VAV2: variants seen among roughly 807,000 people sequenced by gnomAD.
VAV2 encodes guanine nucleotide exchange factor VAV2.
In VAV2, 67 loss-of-function variants were observed where a neutral mutation model predicts 132.5. The observed-to-expected ratio is 0.51, with a 90% CI of 0.42 to 0.62. The LOEUF (loss-of-function observed/expected upper bound fraction) is 0.62. Ranked by LOEUF, VAV2 falls within the 20% of genes least tolerant of loss-of-function variation. The pLI, the probability that VAV2 is intolerant of heterozygous loss-of-function variation, is 0.00. For missense variants in VAV2, 938 were observed against 1,153.6 expected (o/e 0.81, Z 2.71); for synonymous variants, 492 against 443.5 (o/e 1.11, Z -1.37).
Position 133,785,786 on chromosome 9 carries a change from C to G in VAV2, c.1522G>C (p.Glu508Gln). 6.2e-7 allele frequency: 1 copy of G among 1,613,876 alleles called. No homozygotes were observed. ...CGCCCTGGAACTCACATGGCCATCTCAAACTGCTCCATCCACTTCCTCTTC... is the reference window on the plus strand; with the variant it reads ...CGCCCTGGAACTCACATGGCCATCTGAAACTGCTCCATCCACTTCCTCTTC... ...DMKRKWMEQF[E>Q]MAMSNIKPDK... The change falls in exon 17 of 30, where the codon GAG (glutamate) becomes CAG (glutamine). Residue 508 changes from glutamate to glutamine, a missense_variant. Physicochemically the swap from Glu to Gln is conservative, Grantham distance 29. Coordinates refer to ENST00000371850, the MANE Select transcript of VAV2 (RefSeq NM_001134398.2).
Position 133,840,794 on chromosome 9 carries a change from G to T in VAV2, c.381-6454C>A, listed in dbSNP as rs1027549771. Among the ~76,000 whole-genome samples, 5 of 152,168 alleles carry T rather than the reference G, an allele frequency of 3.3e-5. No homozygotes were observed. Among genetic ancestry groups the T allele is most frequent in the African/African-American group, 4.8e-5 (2 of 41,436 alleles). The stretch of plus-strand genomic sequence containing the variant: ...ATCAGGCTCCTATCCTTGCCCTCAG[G>T]ACTTCTGTGAAAATCTGCTAGAAAC... On this transcript the variant is annotated intron_variant, in intron 3 of 29. Coordinates refer to ENST00000371850, the MANE Select transcript of VAV2 (RefSeq NM_001134398.2). This position sits in a 1 kb window ranked among gnomAD's most constrained non-coding sequence, Gnocchi z 4.5.
chr9:133,828,923 C>G (rs1836157362), intron 4 of VAV2, among the ~76,000 whole-genome samples: 1 of 152,202 alleles, frequency 6.6e-6, no homozygotes. Context: ...CAGCTGTCAC[C>G]TCTTCTGAGG....
chr9:133,970,967 G>A (rs1842311975), intron 1 of VAV2, among the ~76,000 whole-genome samples: 1 of 152,230 alleles, frequency 6.6e-6, no homozygotes, highest in South Asian at 2.1e-4. Flanking sequence ...ATTTGCATGA[G>A]AAGGGAATGG....
intron 19 of VAV2, 47 bp downstream of exon 19, chr9:133,783,456 G>C: frequency 1.3e-6 from 2 of 1,569,822 alleles, no homozygotes; most frequent in Non-Finnish European, 1.7e-6. Context: ...GCAGAAGTGA[G>C]CAGGCGTGGC....
intron 1 of VAV2, among the ~76,000 whole-genome samples, chr9:133,967,144 C>T (rs966249753): frequency 6.6e-6 from 1 of 151,416 alleles, no homozygotes; most frequent in African/African-American, 2.4e-5. Flanking sequence ...AAATGGCCAA[C>T]GGGCATGTGA....
chr9:133,946,192 G>A (rs1017946284), intron 1 of VAV2, among the ~76,000 whole-genome samples: 1 of 152,232 alleles, frequency 6.6e-6, no homozygotes, highest in Non-Finnish European at 1.5e-5. Flanking sequence ...CCACCCCGCT[G>A]GCCTTTAGTT....
At chr9:133,952,966 C>T (rs1045341912) in intron 1 of VAV2, among the ~76,000 whole-genome samples, 1 of 142,818 alleles carries the variant, frequency 7.0e-6, no homozygotes, top group African/African-American at 2.7e-5. Flanking sequence ...GGGAGCATGG[C>T]CCCCGGGACA....
intron 12 of VAV2, among the ~76,000 whole-genome samples, chr9:133,792,306 G>C (rs576565239): frequency 1.7e-5 from 2 of 115,272 alleles, no homozygotes; most frequent in Admixed American, 1.8e-4. Context: ...GCTGGGTGGG[G>C]TATGTGTGTG....
At chr9:133,942,692 C>T (rs775361262) in intron 1 of VAV2, among the ~76,000 whole-genome samples, 4 of 152,240 alleles carry the variant, frequency 2.6e-5, no homozygotes, top group Non-Finnish European at 4.4e-5. Context: ...GGCTTCCTTT[C>T]GGGCACAGGA....
rs1178579665 is a variant in VAV2, at chr9:133,769,394, C to A, written c.2434+23G>T. 5.6e-6 allele frequency: 9 copies of A among 1,600,210 alleles called. No homozygotes were observed. The highest frequency in any genetic ancestry group is 3.4e-5 in the Admixed American group (2 of 57,992). On this transcript the variant is annotated intron_variant, in intron 28 of 29. Coordinates refer to ENST00000371850, the MANE Select transcript of VAV2 (RefSeq NM_001134398.2). This position sits in a 1 kb window ranked among gnomAD's most constrained non-coding sequence, Gnocchi z 8.1. ...GCAGCTGCCACAGGCCCGGTCCCCC[C>A]ACGCCCTGGGGAGCAGCGGTACCTG... is the stretch of plus-strand genomic sequence containing the variant.
intron 2 of VAV2, among the ~76,000 whole-genome samples, chr9:133,897,923 G>A (rs967472364): frequency 8.5e-5 from 13 of 152,190 alleles, no homozygotes; most frequent in South Asian, 2.1e-4. Flanking sequence ...CTTCAGAAGC[G>A]TCCAGCACCC....
chr9:133,812,536 G>A (rs1040030380), intron 4 of VAV2, among the ~76,000 whole-genome samples: 35 of 152,246 alleles, frequency 2.3e-4, no homozygotes, highest in African/African-American at 7.5e-4. Flanking sequence ...GTCCAGGGGC[G>A]GGACCCCTGC....
chr9:133,855,614 C>T (rs573108813), intron 3 of VAV2, among the ~76,000 whole-genome samples: 1 of 152,312 alleles, frequency 6.6e-6, no homozygotes, highest in East Asian at 1.9e-4. Context: ...GCCCAGTGCT[C>T]CGGGATAAAG....
chr9:133,790,754 C>T (rs762505940), intron 13 of VAV2, among the ~76,000 whole-genome samples: 12 of 152,144 alleles, frequency 7.9e-5, no homozygotes, highest in Non-Finnish European at 1.6e-4. Flanking sequence ...TCTTTCATCG[C>T]CGACGTATCG....
At chr9:133,856,045 C>A (rs1054529010) in intron 3 of VAV2, among the ~76,000 whole-genome samples, 2 of 152,240 alleles carry the variant, frequency 1.3e-5, no homozygotes, top group Non-Finnish European at 2.9e-5. Flanking sequence ...GTGGGAGAAG[C>A]CACGTGCGAA....
intron 2 of VAV2, among the ~76,000 whole-genome samples, chr9:133,929,727 G>A (rs1223694029): frequency 1.3e-5 from 2 of 152,048 alleles, no homozygotes; most frequent in African/African-American, 4.8e-5. Flanking sequence ...GTGCACAGCC[G>A]ACTCCCTCAT....
chr9:133,859,573 A>C (rs1229951632), intron 3 of VAV2, among the ~76,000 whole-genome samples: 5 of 152,250 alleles, frequency 3.3e-5, no homozygotes, highest in Non-Finnish European at 2.9e-5. Flanking sequence ...AGGAGCAATT[A>C]AAATGACTGA....
chr9:133,876,935 C>T (rs923670377), intron 2 of VAV2, among the ~76,000 whole-genome samples: 1 of 152,044 alleles, frequency 6.6e-6, no homozygotes, highest in African/African-American at 2.4e-5. Context: ...TCTGGACGCA[C>T]AGTGGCCAGC....
intron 16 of VAV2, chr9:133,786,117 T>C: frequency 1.8e-6 from 1 of 569,164 alleles, no homozygotes; most frequent in Non-Finnish European, 3.3e-6. Flanking sequence ...GCCCATACCC[T>C]CACGTGAGAA....
Sources: allele counts gnomAD v4.1 joint callset (sites outside exome capture counted in the v4.1 genomes callset), GRCh38; gene constraint gnomAD v4.1.1; non-coding constraint Gnocchi (gnomAD v3.1); transcripts MANE v1.5; gene names NCBI Gene and HGNC (gene_info 2026-07-23, HGNC 2026-07-21).